Variants in HGS observed in about 807,000 individuals in gnomAD.
The protein encoded by HGS is hepatocyte growth factor-regulated tyrosine kinase substrate.
A neutral mutation model predicts 109.7 loss-of-function variants in HGS; 63 were observed. That is an observed-to-expected ratio of 0.57 (90% CI 0.47 to 0.71). HGS has a LOEUF of 0.71. HGS is among the 30% of genes least tolerant of loss of function. HGS has a pLI of 0.00. For synonymous variants in HGS, 546 were observed against 437.3 expected (o/e 1.25, Z -3.10); for missense variants, 995 against 1,068.3 (o/e 0.93, Z 0.96).
Position 81,700,726 on chromosome 17 carries a change from C to A in HGS, c.2048C>A (p.Pro683Gln). Residue 683 changes from proline to glutamine, a missense_variant, in exon 20 of 22, where the codon CCG becomes CAG. Physicochemically the swap from Pro to Gln is moderately conservative, Grantham distance 76. Around this residue, in one of 6 missense-constraint regions of HGS, gnomAD observed 326 missense variants for 309.7 expected, o/e 1.05. Coordinates refer to ENST00000329138, the MANE Select transcript of HGS (RefSeq NM_004712.5). ...NVASQAPQSL[P>Q]AISQPPQSST... is the part of the protein sequence containing the mutation. ...GCCTCCCAGGCCCCACAGAGCCTCCCGGCCATCTCTCAGCCTCCGCAGTCC... is the reference window on the plus strand; with the variant it reads ...GCCTCCCAGGCCCCACAGAGCCTCCAGGCCATCTCTCAGCCTCCGCAGTCC... The A allele has an allele frequency of 6.2e-7, 1 of 1,612,360 alleles. No homozygotes were observed. The highest frequency in any genetic ancestry group is 8.5e-7 in the Non-Finnish European group (1 of 1,179,794).
In HGS at chr17:81,684,814, G is replaced by A. The variant is rs549733305; in HGVS notation, c.37+711G>A. ...CAAGCTTGCCTTTTTGTCAAGTAGGGTTTTCAAGGAGACTTCAAGTGAGAC... is the reference window on the plus strand; with the variant it reads ...CAAGCTTGCCTTTTTGTCAAGTAGGATTTTCAAGGAGACTTCAAGTGAGAC... On this transcript the variant is annotated intron_variant, in intron 1 of 21. Transcript: ENST00000329138. 53 of 780,036 alleles carry A rather than the reference G, an allele frequency of 6.8e-5. No homozygotes were observed. The African/African-American group carries it at 9.6e-4, about 14-fold the overall frequency. The allele number at this position is 780,036 out of a possible 1,614,324, so 48.3% of individuals were successfully genotyped here. A position where few individuals can be genotyped will look rare whatever the true frequency, so the allele number is the denominator to read the frequency against.
chr17:81,696,126 C>A, intron 15 of HGS, 127 bp downstream of exon 15: 1 of 953,800 alleles, frequency 1.0e-6, no homozygotes, highest in Non-Finnish European at 1.5e-6. Flanking sequence ...TGGCTTCCTC[C>A]AGAGAGTGTC....
chr17:81,686,618 T>C (rs981610567), intron 3 of HGS, among the ~76,000 whole-genome samples: 3 of 152,208 alleles, frequency 2.0e-5, no homozygotes, highest in African/African-American at 7.2e-5. Context: ...CTTCAGCCGG[T>C]CCTGCGTGAG....
In HGS at chr17:81,695,191, C is replaced by T. The variant is rs377743416; in HGVS notation, c.1147C>T (p.Pro383Ser). 3 of 1,614,226 alleles carry T rather than the reference C, an allele frequency of 1.9e-6. No homozygotes were observed. The highest frequency in any genetic ancestry group is 1.7e-6 in the Non-Finnish European group (2 of 1,180,014). The change falls in exon 14 of 22, where the codon CCC (proline) becomes TCC (serine). Residue 383 changes from proline to serine, a missense_variant. This residue lies in a region of HGS where 300 missense variants were observed against 235.4 expected (regional missense o/e 1.27). Coordinates refer to ENST00000329138, the MANE Select transcript of HGS (RefSeq NM_004712.5). Reference protein sequence around the residue: ...ENPLPETDSQPIPPSGGPFSE... With the variant: ...ENPLPETDSQSIPPSGGPFSE... ...CCCCCTCCCGGAGACAGACTCTCAGCCCATTCCTCCCTCTGGTGGCCCCTT... is the reference window on the plus strand; with the variant it reads ...CCCCCTCCCGGAGACAGACTCTCAGTCCATTCCTCCCTCTGGTGGCCCCTT...
Position 81,694,905 on chromosome 17 carries a change from AC to A in HGS, c.976-14del, listed in dbSNP as rs769146010. The A allele has an allele frequency of 2.5e-6, 4 of 1,613,934 alleles. No individual in the cohort carries two copies. In the Admixed American group the frequency reaches 5.0e-5, roughly 20 times the overall value. On this transcript the variant is annotated intron_variant, in intron 12 of 21. Transcript: ENST00000329138. ...CTCACGGTTTCTGGCCTTGGGAGTG[AC>A]CCCCTCATTGCCTGCAGCTCGCACG... is the stretch of plus-strand genomic sequence containing the variant.
intron 11 of HGS, among the ~76,000 whole-genome samples, chr17:81,694,507 C>T (rs1210560274): frequency 3.3e-5 from 5 of 152,214 alleles, no homozygotes; most frequent in South Asian, 2.1e-4. Context: ...GGGCCCCACA[C>T]GCTGGACCGT....
intron 17 of HGS, 35 bp from the exon 18 acceptor site, chr17:81,696,786 TGAG>T (rs2037157283): frequency 6.2e-7 from 1 of 1,602,354 alleles, no homozygotes. Context: ...GCTTGTGGGC[TGAG>T]GACCAACTCT....
intron 18 of HGS, chr17:81,697,800 G>C (rs2037177756): frequency 6.6e-6 from 1 of 152,190 alleles, no homozygotes; most frequent in Non-Finnish European, 1.5e-5. Context: ...AGTCACAGCA[G>C]CGTGGAGACG....
intron 18 of HGS, among the ~76,000 whole-genome samples, chr17:81,700,193 C>T (rs1050718485): frequency 6.6e-6 from 1 of 151,408 alleles, no homozygotes; most frequent in African/African-American, 2.4e-5. Flanking sequence ...GATGAAACCC[C>T]ATCTTTATTA....
Position 81,701,104 on chromosome 17 carries a change from C to T in HGS, c.2196C>T (p.Ile732=), listed in dbSNP as rs779416027. ...CTCTGCCACCCCAGCAGCCCTACAT[C>T]GCGGGGCAGCAGCCCATGTACCAGC... ...DASLPPQQPY[I]AGQQPMYQQM... The change falls in exon 21 of 22, where the codon ATC becomes ATT. Residue 732 remains isoleucine (I), a synonymous_variant. Coordinates refer to ENST00000329138, the MANE Select transcript of HGS (RefSeq NM_004712.5). The T allele has an allele frequency of 3.7e-6, 6 of 1,613,956 alleles. No homozygotes were observed. Among genetic ancestry groups the T allele is most frequent in the South Asian group, 2.2e-5 (2 of 91,086 alleles).
intron 2 of HGS, 59 bp downstream of exon 2, chr17:81,685,748 C>A: frequency 1.5e-6 from 2 of 1,357,444 alleles, no homozygotes; most frequent in South Asian, 2.5e-5. Context: ...AAGCTGGGCT[C>A]GCTTGGTGCC....
In HGS at chr17:81,694,836, G is replaced by C. The variant is rs1483430322; in HGVS notation, c.958G>C (p.Glu320Gln). Residue 320 changes from glutamate (E) to glutamine (Q), a missense_variant, in exon 12 of 22, where the codon GAG (glutamate) becomes CAG (glutamine). Coordinates refer to ENST00000329138, the MANE Select transcript of HGS (RefSeq NM_004712.5). ...SPVNSSAPLAEDIDPELARYL... is the reference protein window; with the variant it reads ...SPVNSSAPLAQDIDPELARYL... ...CCAGAACTCGTCGGCGCCTCTGGCTGAGGACATCGACCCTGAGGTAAGGCC... is the reference window on the plus strand; with the variant it reads ...CCAGAACTCGTCGGCGCCTCTGGCTCAGGACATCGACCCTGAGGTAAGGCC... 6.2e-7 allele frequency: 1 copy of C among 1,614,262 alleles called. No homozygotes were observed. Among genetic ancestry groups the C allele is most frequent in the Non-Finnish European group, 8.5e-7 (1 of 1,180,042 alleles).
chr17:81,701,263 G>A (rs557101301), intron 21 of HGS, 132 bp downstream of exon 21: 1 of 871,038 alleles, frequency 1.1e-6, no homozygotes, highest in East Asian at 2.7e-5. Flanking sequence ...CATACCCGAG[G>A]CCCCTTCTCA....
At chr17:81,688,963 G>A (rs1312230627) in intron 5 of HGS, 136 bp downstream of exon 5, 2 of 1,218,386 alleles carry the variant, frequency 1.6e-6, no homozygotes, top group African/African-American at 1.5e-5. Flanking sequence ...GTGGCCTGGA[G>A]CCAGGGAAGA....
intron 21 of HGS, 105 bp downstream of exon 21, chr17:81,701,236 G>A (rs1168766031): frequency 1.0e-5 from 11 of 1,052,842 alleles, no homozygotes; most frequent in Non-Finnish European, 1.3e-5. Flanking sequence ...CCGTACGTCT[G>A]CTCACAGGGG....
At chr17:81,685,858 G>C (rs990299024) in intron 2 of HGS, among the ~76,000 whole-genome samples, 169 bp downstream of exon 2, 4 of 152,224 alleles carry the variant, frequency 2.6e-5, no homozygotes, top group African/African-American at 9.7e-5. Context: ...GGATTAAGGG[G>C]TTTTCTCTGT....
intron 13 of HGS, 40 bp from the exon 14 acceptor site, chr17:81,695,124 C>A: frequency 6.2e-7 from 1 of 1,613,294 alleles, no homozygotes; most frequent in South Asian, 1.1e-5. Flanking sequence ...GGGGTGGATG[C>A]GGGACAGGTT....
chr17:81,696,465 A>T lies in HGS; in HGVS notation c.1502A>T (p.Glu501Val), dbSNP rs768453014. Residue 501 changes from glutamate to valine, a missense_variant, in exon 16 of 22, where the codon GAG (glutamate) becomes GTG (valine). Physicochemically the swap from Glu to Val is moderately radical, Grantham distance 121 (BLOSUM62 -2). Transcript: ENST00000329138. ...GAGAAGCTTCGCCGGGCAGCCGAGGAGGCAGAGCGCCAGCGCCAGATCCAG... is the reference window on the plus strand; with the variant it reads ...GAGAAGCTTCGCCGGGCAGCCGAGGTGGCAGAGCGCCAGCGCCAGATCCAG... ...HREKLRRAAE[E>V]AERQRQIQLA... 26 of 1,538,614 alleles carry T rather than the reference A, an allele frequency of 1.7e-5. No homozygotes were observed. The highest frequency in any genetic ancestry group is 2.2e-5 in the Non-Finnish European group (25 of 1,142,808).
chr17:81,693,876 A>G lies in HGS; in HGVS notation c.847A>G (p.Lys283Glu). The G allele has an allele frequency of 6.2e-7, 1 of 1,607,806 alleles. No individual in the cohort carries two copies. Among genetic ancestry groups the G allele is most frequent in the Middle Eastern group, 1.7e-4 (1 of 6,040 alleles). ...CCTTCTGATTCTGCCTCAGAGACAG[A>G]AGTCCACGTACACTTCGTACCCCAA... ...EAEEKERLRQ[K>E]STYTSYPKAE... is the part of the protein sequence containing the mutation. Residue 283 changes from lysine to glutamate, a missense_variant, in exon 11 of 22, where the codon AAG becomes GAG. Transcript: ENST00000329138.
Sources: gnomAD v4.1 joint callset for allele counts (sites outside exome capture counted in the v4.1 genomes callset) on GRCh38, gnomAD v4.1.1 for gene constraint, gnomAD v4.1.1 regional missense constraint, MANE v1.5 for transcripts, NCBI Gene and HGNC (gene_info 2026-07-23, HGNC 2026-07-21) for gene names.